The following PEAK1 variants were observed in gnomAD, a reference collection of about 807,000 sequenced individuals.
The protein encoded by PEAK1 is pseudopodium enriched atypical kinase 1.
PEAK1 carries 54 observed loss-of-function variants against 124.7 expected under a neutral mutation model. That is an observed-to-expected ratio of 0.43 (90% confidence interval 0.35 to 0.54). PEAK1 has a LOEUF of 0.54. PEAK1 is among the 20% of genes least tolerant of loss of function. The pLI is 0.01. For synonymous variants in PEAK1, 719 were observed against 760.0 expected (o/e 0.95, Z 0.89); for missense variants, 2,046 against 2,134.5 (o/e 0.96, Z 0.82).
intron 6 of PEAK1, among the ~76,000 whole-genome samples, chr15:77,228,863 TGGGA>T (rs1458245352): frequency 6.6e-6 from 1 of 152,206 alleles, no homozygotes; most frequent in Admixed American, 6.5e-5. Flanking sequence ...TAGGTTCTAA[TGGGA>T]TAAGCTAGCC....
intron 2 of PEAK1, among the ~76,000 whole-genome samples, chr15:77,322,254 C>G (rs555804555): frequency 6.6e-5 from 10 of 152,070 alleles, no homozygotes; most frequent in Non-Finnish European, 1.2e-4. Context: ...CAAAAGCTAG[C>G]AGAAGGCAAG....
intron 8 of PEAK1, among the ~76,000 whole-genome samples, chr15:77,140,528 T>A (rs893563027): frequency 6.6e-6 from 1 of 152,090 alleles, no homozygotes; most frequent in Non-Finnish European, 1.5e-5. Flanking sequence ...GAAAAAACAT[T>A]TGATAAAACC....
intron 2 of PEAK1, among the ~76,000 whole-genome samples, chr15:77,318,100 G>A (rs2064986412): frequency 6.6e-6 from 1 of 152,096 alleles, no homozygotes; most frequent in South Asian, 2.1e-4. Flanking sequence ...GTATGGAACA[G>A]CTTTGTATCT....
In PEAK1 at chr15:77,111,804, A is replaced by C. The variant is rs1308730191; in HGVS notation, c.*2352T>G. 6.6e-6 allele frequency: 1 copy of C among 152,256 alleles called. No individual in the cohort carries two copies. 9.4% of individuals were successfully genotyped at this position (152,256 alleles called of 1,614,324 possible). On this transcript the variant is annotated 3_prime_UTR_variant, in exon 10 of 10. Transcript: ENST00000682557. ...TCAGCATTAAATATGTAACCTCATT[A>C]AATAGTCAACATTGAAATTTACATG...
intron 6 of PEAK1, among the ~76,000 whole-genome samples, chr15:77,221,929 T>G (rs1243265385): frequency 6.6e-6 from 1 of 152,116 alleles, no homozygotes; most frequent in African/African-American, 2.4e-5. Flanking sequence ...GCCAGCTGTG[T>G]TCCTGATGAT....
intron 7 of PEAK1, among the ~76,000 whole-genome samples, chr15:77,161,893 G>A (rs7173670): frequency 6.7e-6 from 1 of 150,296 alleles, no homozygotes; most frequent in Non-Finnish European, 1.5e-5. Flanking sequence ...TTGAACTCAG[G>A]GGGCAGAGGT....
chr15:77,117,794 A>T (rs761996862), intron 9 of PEAK1, among the ~76,000 whole-genome samples: 2 of 152,186 alleles, frequency 1.3e-5, no homozygotes, highest in Non-Finnish European at 2.9e-5. Flanking sequence ...CTGAAAAAAA[A>T]AACTGTGACC....
chr15:77,283,708 C>T, intron 5 of PEAK1, 175 bp downstream of exon 5: 1 of 182,550 alleles, frequency 5.5e-6, no homozygotes, highest in Non-Finnish European at 1.0e-5. Context: ...AGCTCACCTA[C>T]AATTTATGAA....
chr15:77,165,955 G>A (rs898314657), intron 7 of PEAK1, among the ~76,000 whole-genome samples: 8 of 152,126 alleles, frequency 5.3e-5, no homozygotes, highest in Admixed American at 2.0e-4. Flanking sequence ...GTTAAGATAA[G>A]GCAAGCTTGG....
At chr15:77,319,791 A>G (rs917494207) in intron 2 of PEAK1, among the ~76,000 whole-genome samples, 2 of 152,150 alleles carry the variant, frequency 1.3e-5, no homozygotes, top group South Asian at 4.1e-4. Context: ...TTCTAATACC[A>G]AATTTATAGA....
intron 1 of PEAK1, among the ~76,000 whole-genome samples, chr15:77,409,142 C>T (rs987479762): frequency 2.6e-5 from 4 of 152,120 alleles, no homozygotes; most frequent in Non-Finnish European, 5.9e-5. Context: ...AAAACTGAAT[C>T]TACTTTGAAA....
chr15:77,105,177 C>T (rs2050735048), downstream of PEAK1: 1 of 152,226 alleles, frequency 6.6e-6, no homozygotes, highest in South Asian at 2.1e-4. Flanking sequence ...CCCTATACCC[C>T]CCACTTCCTG....
intron 2 of PEAK1, among the ~76,000 whole-genome samples, chr15:77,355,418 T>C (rs1422799544): frequency 6.6e-6 from 1 of 152,212 alleles, no homozygotes; most frequent in African/African-American, 2.4e-5. Flanking sequence ...TGGGCAAGAA[T>C]GACTGTTCAG....
intron 1 of PEAK1, among the ~76,000 whole-genome samples, chr15:77,384,658 T>C (rs772903753): frequency 9.2e-5 from 14 of 152,310 alleles, no homozygotes; most frequent in East Asian, 1.9e-4. Context: ...ATAAACCTTA[T>C]TGACACCTTT....
chr15:77,280,616 T>C (rs780612383), intron 5 of PEAK1, among the ~76,000 whole-genome samples: 6 of 151,888 alleles, frequency 4.0e-5, no homozygotes, highest in Non-Finnish European at 8.8e-5. Context: ...TCCTATTCCA[T>C]GTTTCTGTTA....
chr15:77,101,987 T>C (rs1027708828), exon 7 of PEAK1: 1 of 152,166 alleles, frequency 6.6e-6, no homozygotes, highest in Non-Finnish European at 1.5e-5. Flanking sequence ...GCCAACAATA[T>C]GATCTTAATT....
At position 77,316,868 on chromosome 15, in the gene PEAK1, G is replaced by A. The variant is rs77270469; in HGVS notation, c.-602-30364C>T. Reference sequence around the variant, plus strand: ...TGAGGCAGGCAGAAAACCTGAGGCCGAGAGTTTGAGACCTGCCTGGCCGAC... The same window carrying A: ...TGAGGCAGGCAGAAAACCTGAGGCCAAGAGTTTGAGACCTGCCTGGCCGAC... On this transcript the variant is annotated intron_variant, in intron 2 of 9. Transcript: ENST00000682557. Among the ~76,000 whole-genome samples the A allele has an allele frequency of 5.4e-3, 817 of 152,172 alleles. 7 individuals carry two copies. Among genetic ancestry groups the A allele is most frequent in the African/African-American group, 0.016 (685 of 41,520 alleles).
At chr15:77,162,310 A>T (rs2055722045) in intron 7 of PEAK1, among the ~76,000 whole-genome samples, 1 of 151,876 alleles carries the variant, frequency 6.6e-6, no homozygotes, top group Non-Finnish European at 1.5e-5. Flanking sequence ...CCTGGCTAAC[A>T]TGGTGAAACC....
chr15:77,378,665 T>C (rs1276586578), intron 1 of PEAK1, among the ~76,000 whole-genome samples: 2 of 152,184 alleles, frequency 1.3e-5, no homozygotes, highest in African/African-American at 4.8e-5. Flanking sequence ...TAAATCCTTT[T>C]AAAAATCACA....
Sources: allele counts gnomAD v4.1 joint callset (sites outside exome capture counted in the v4.1 genomes callset), GRCh38; gene constraint gnomAD v4.1.1; transcripts MANE v1.5; gene names NCBI Gene and HGNC (gene_info 2026-07-23, HGNC 2026-07-21).